FANK1: variants seen among roughly 807,000 people sequenced by gnomAD.
The protein encoded by FANK1 is fibronectin type 3 and ankyrin repeat domains protein 1.
FANK1 carries 44 observed loss-of-function variants against 45.3 expected under a neutral mutation model. That is an observed-to-expected ratio of 0.97 (90% confidence interval 0.76 to 1.25). The LOEUF (loss-of-function observed/expected upper bound fraction) is 1.25, where lower values mean the gene tolerates loss of function less well. Ranked by LOEUF, FANK1 falls within the 50% of genes most tolerant of loss-of-function variation. FANK1 has a pLI of 0.00. For synonymous variants in FANK1, 149 were observed against 152.5 expected, an observed-to-expected ratio of 0.98 and a Z score of 0.17; for missense variants, 391 against 424.4, an observed-to-expected ratio of 0.92 and a Z score of 0.69.
intron 6 of FANK1, among the ~76,000 whole-genome samples, chr10:126,003,682 T>A (rs1040114475): frequency 2.6e-5 from 4 of 151,540 alleles, no homozygotes; most frequent in Non-Finnish European, 5.9e-5. Context: ...TTATTTATTT[T>A]TTTTATTTTT....
chr10:125,952,566 C>T (rs1949310479), intron 1 of FANK1, among the ~76,000 whole-genome samples: 1 of 152,056 alleles, frequency 6.6e-6, no homozygotes. Flanking sequence ...GATCTGGACA[C>T]CAAAGCACTT....
chr10:126,005,765 A>T (rs1005362438), intron 7 of FANK1, among the ~76,000 whole-genome samples: 3 of 152,188 alleles, frequency 2.0e-5, no homozygotes, highest in African/African-American at 7.2e-5. Context: ...TTACTTCTAA[A>T]ATTAGGTAAT....
chr10:125,958,013 G>A (rs1378428892), intron 1 of FANK1, among the ~76,000 whole-genome samples: 1 of 152,122 alleles, frequency 6.6e-6, no homozygotes, highest in African/African-American at 2.4e-5. Context: ...GATCGCATCA[G>A]GGTAATTAGC....
rs576682795 is a variant in FANK1 at position 126,008,313 on chromosome 10, G to A, written c.706-94G>A. 7 of 1,439,872 alleles carry A rather than the reference G, an allele frequency of 4.9e-6. No individual in the cohort carries two copies. In the East Asian group the frequency reaches 7.4e-5, roughly 15 times the overall value. 89.2% of individuals were successfully genotyped at this position (1,439,872 alleles called of 1,614,324 possible). On this transcript the variant is annotated intron_variant, in intron 7 of 10. Coordinates refer to ENST00000368693, the MANE Select transcript of FANK1 (RefSeq NM_145235.5). ...TATAGAAAGACGGCTATCTAAGTCC[G>A]GGTGTTGGGGCAAGCAAATATTCCT...
chr10:125,947,644 G>A (rs1171160046), intron 1 of FANK1, among the ~76,000 whole-genome samples: 1 of 151,478 alleles, frequency 6.6e-6, no homozygotes, highest in Non-Finnish European at 1.5e-5. Flanking sequence ...AAGAGACTTA[G>A]ACACCCACAC....
chr10:125,997,069 A>G (rs1952386602), intron 5 of FANK1, among the ~76,000 whole-genome samples: 1 of 152,228 alleles, frequency 6.6e-6, no homozygotes, highest in East Asian at 1.9e-4. Flanking sequence ...ATTAAATGCC[A>G]TTTGAAAAAA....
At chr10:125,994,249 C>A in intron 3 of FANK1, 1 of 374,108 alleles carries the variant, frequency 2.7e-6, no homozygotes, top group Non-Finnish European at 3.7e-6. Flanking sequence ...TGGATATTTT[C>A]TTTCAGGGTT....
In FANK1 at chr10:125,904,673, G is replaced by A. The variant is rs534273408; in HGVS notation, c.13+8018G>A. ...TTACAGGCATGAACCACTGCACCCC[G>A]CTTAGTGTGCTGTTTTTAAAAATGA... On this transcript the variant is annotated intron_variant, in intron 1 of 10. Coordinates refer to ENST00000368693, the MANE Select transcript of FANK1 (RefSeq NM_145235.5). 6.0e-5 allele frequency among the ~76,000 whole-genome samples: 9 copies of A among 150,318 alleles called. No individual in the cohort carries two copies. In the South Asian group the frequency reaches 1.8e-3, roughly 30 times the overall value.
chr10:126,005,216 T>G (rs2271650), intron 7 of FANK1, among the ~76,000 whole-genome samples, 167 bp downstream of exon 7: 87,748 of 151,948 alleles, frequency 0.58, 26,961 homozygotes, highest in Non-Finnish European at 0.68. Flanking sequence ...GACATGAGAG[T>G]GAGCTTTCCG....
intron 1 of FANK1, among the ~76,000 whole-genome samples, chr10:125,924,978 T>C (rs140717080): frequency 0.014 from 2,186 of 152,300 alleles, 45 homozygotes; most frequent in African/African-American, 0.05. Flanking sequence ...TTACCAGAAA[T>C]TGTGATCTGT....
At chr10:126,008,111 A>G (rs551336409) in intron 7 of FANK1, among the ~76,000 whole-genome samples, 1 of 152,210 alleles carries the variant, frequency 6.6e-6, no homozygotes, top group Non-Finnish European at 1.5e-5. Flanking sequence ...TAGGTGAGGA[A>G]AGTTAGGCAA....
At chr10:125,917,555 T>C (rs183067754) in intron 1 of FANK1, among the ~76,000 whole-genome samples, 1 of 152,346 alleles carries the variant, frequency 6.6e-6, no homozygotes, top group African/African-American at 2.4e-5. Context: ...CTTCAGGTCT[T>C]TATTTCCTTA....
rs1019634886 is a variant in FANK1, at chr10:125,995,570, C to G, written c.398+72C>G. The stretch of plus-strand genomic sequence containing the variant: ...TGCATAGAAATACATGCAGTAGTTT[C>G]ATTTTGTTTTCCTAAAAATTCCCAT... On this transcript the variant is annotated intron_variant, in intron 4 of 10. Transcript: ENST00000368693. 37 of 1,433,668 alleles carry G rather than the reference C, an allele frequency of 2.6e-5. 1 individual carries two copies. Among genetic ancestry groups the G allele is most frequent in the Admixed American group, 1.4e-4 (8 of 58,684 alleles). 88.8% of individuals were successfully genotyped at this position (1,433,668 alleles called of 1,614,324 possible). A position where few individuals can be genotyped will look rare whatever the true frequency, so the allele number is the denominator to read the frequency against.
chr10:125,911,504 T>C (rs1013291573), intron 1 of FANK1, among the ~76,000 whole-genome samples: 1 of 152,254 alleles, frequency 6.6e-6, no homozygotes, highest in South Asian at 2.1e-4. Context: ...TAAGCAAAGC[T>C]GCAAGAAACA....
intron 1 of FANK1, among the ~76,000 whole-genome samples, chr10:125,965,571 G>T (rs534169294): frequency 6.6e-6 from 1 of 152,346 alleles, no homozygotes; most frequent in East Asian, 1.9e-4. Flanking sequence ...GATCTGGATT[G>T]AAATCCTTGC....
intron 1 of FANK1, among the ~76,000 whole-genome samples, chr10:125,956,226 A>G (rs1016847008): frequency 2.1e-5 from 3 of 143,852 alleles, no homozygotes; most frequent in Non-Finnish European, 4.6e-5. Context: ...TGGTGGGGGT[A>G]AAGGGAGGAA....
intron 3 of FANK1, chr10:125,995,012 C>T: frequency 1.1e-6 from 1 of 886,376 alleles, no homozygotes; most frequent in Non-Finnish European, 1.3e-6. Context: ...AATGTTAAAG[C>T]ACTTTGTCTT....
chr10:125,926,287 A>G (rs1312809659), intron 1 of FANK1, among the ~76,000 whole-genome samples: 1 of 152,286 alleles, frequency 6.6e-6, no homozygotes, highest in Non-Finnish European at 1.5e-5. Context: ...TACCTTGTTC[A>G]TATTTCACCA....
chr10:125,950,913 A>G (rs919397306), intron 1 of FANK1, among the ~76,000 whole-genome samples: 33 of 151,350 alleles, frequency 2.2e-4, no homozygotes, highest in Non-Finnish European at 3.7e-4. Context: ...CTATGCAGCC[A>G]TAAAAAATGA....
Sources: gnomAD v4.1 joint callset for allele counts (sites outside exome capture counted in the v4.1 genomes callset) on GRCh38, gnomAD v4.1.1 for gene constraint, MANE v1.5 for transcripts, NCBI Gene and HGNC (gene_info 2026-07-23, HGNC 2026-07-21) for gene names.